SPOCK3: variants seen among roughly 807,000 people sequenced by gnomAD.
SPOCK3 encodes testican-3.
In SPOCK3, 30 loss-of-function variants were observed where a neutral mutation model predicts 56.6. That is an observed-to-expected ratio of 0.53 (90% CI 0.40 to 0.72). The LOEUF (loss-of-function observed/expected upper bound fraction) is 0.72. SPOCK3 is among the 30% of genes least tolerant of loss of function. The pLI, the probability that SPOCK3 is intolerant of heterozygous loss-of-function variation, is 0.00. For synonymous variants in SPOCK3, 196 were observed against 183.3 expected (o/e 1.07, Z -0.56); for missense variants, 527 against 530.0 (o/e 0.99, Z 0.06).
intron 2 of SPOCK3, among the ~76,000 whole-genome samples, chr4:167,160,622 T>G (rs143442703): frequency 6.6e-5 from 10 of 151,808 alleles, no homozygotes; most frequent in South Asian, 6.2e-4. Flanking sequence ...GAGGCATCAC[T>G]CTACCTGACT....
At chr4:167,094,126 AG>A (rs1225423084) in intron 2 of SPOCK3, among the ~76,000 whole-genome samples, 1 of 152,156 alleles carries the variant, frequency 6.6e-6, no homozygotes, top group Non-Finnish European at 1.5e-5. Flanking sequence ...TTTAATATCA[AG>A]TATAATACAT....
intron 6 of SPOCK3, among the ~76,000 whole-genome samples, chr4:166,845,374 T>C (rs1181823820): frequency 3.3e-5 from 5 of 152,198 alleles, no homozygotes; most frequent in Admixed American, 3.3e-4. Context: ...AAAAACCGTA[T>C]GCCCTATACA....
chr4:167,192,201 T>A (rs1732528426), intron 2 of SPOCK3, among the ~76,000 whole-genome samples: 1 of 146,064 alleles, frequency 6.8e-6, no homozygotes. Context: ...TTGAATATTT[T>A]GACATTTAAA....
At chr4:167,023,753 T>C (rs576125772) in intron 3 of SPOCK3, among the ~76,000 whole-genome samples, 6 of 152,134 alleles carry the variant, frequency 3.9e-5, no homozygotes, top group African/African-American at 1.4e-4. Context: ...ACTGGGACTT[T>C]GTATGTTTCC....
intron 3 of SPOCK3, among the ~76,000 whole-genome samples, chr4:167,020,134 G>A (rs1175924879): frequency 6.6e-6 from 1 of 152,082 alleles, no homozygotes; most frequent in Non-Finnish European, 1.5e-5. Flanking sequence ...TTGCAGTGGA[G>A]TGCCTACATA....
intron 3 of SPOCK3, among the ~76,000 whole-genome samples, chr4:167,057,856 C>G (rs1755079750): frequency 6.6e-6 from 1 of 152,176 alleles, no homozygotes; most frequent in Admixed American, 6.5e-5. Context: ...TAACACCCCA[C>G]TGTCAACATT....
At chr4:167,203,381 T>C (rs1733707536) in intron 2 of SPOCK3, among the ~76,000 whole-genome samples, 1 of 151,918 alleles carries the variant, frequency 6.6e-6, no homozygotes, top group South Asian at 2.1e-4. Flanking sequence ...GGTAGAGACT[T>C]TTGGATGCCA....
intron 6 of SPOCK3, among the ~76,000 whole-genome samples, chr4:166,810,500 A>C (rs765223332): frequency 1.2e-4 from 19 of 152,124 alleles, no homozygotes; most frequent in Middle Eastern, 3.4e-3. Context: ...ATTTCAATTT[A>C]ATTACTAATT....
At chr4:167,192,289 T>C (rs985051978) in intron 2 of SPOCK3, among the ~76,000 whole-genome samples, 1 of 145,838 alleles carries the variant, frequency 6.9e-6, no homozygotes, top group Non-Finnish European at 1.5e-5. Context: ...CTCATAATAT[T>C]CCAACCCGAT....
chr4:167,126,540 ACT>A (rs1297914013), intron 2 of SPOCK3, among the ~76,000 whole-genome samples: 1 of 151,782 alleles, frequency 6.6e-6, no homozygotes, highest in Non-Finnish European at 1.5e-5. Context: ...CAAGAGTCAA[ACT>A]CTGTCAAAAA....
intron 6 of SPOCK3, among the ~76,000 whole-genome samples, chr4:166,830,556 C>T (rs1466858825): frequency 6.6e-6 from 1 of 151,936 alleles, no homozygotes; most frequent in Non-Finnish European, 1.5e-5. Flanking sequence ...ACCAGCCTGG[C>T]CAAAATGGCA....
At chr4:167,000,915 A>G (rs956502675) in intron 3 of SPOCK3, among the ~76,000 whole-genome samples, 1 of 152,208 alleles carries the variant, frequency 6.6e-6, no homozygotes, top group African/African-American at 2.4e-5. Context: ...ACATTAATGG[A>G]TATCTTTGGC....
chr4:166,997,002 T>C (rs2150121998), intron 4 of SPOCK3, among the ~76,000 whole-genome samples: 1 of 152,270 alleles, frequency 6.6e-6, no homozygotes, highest in Non-Finnish European at 1.5e-5. Context: ...CAAGATAATG[T>C]GCCTTTCAGG....
In SPOCK3 at chr4:166,927,848, A is replaced by T. The variant is rs1409442929; in HGVS notation, c.351-15105T>A. 1.3e-5 allele frequency among the ~76,000 whole-genome samples: 2 copies of T among 152,194 alleles called. 1 individual carries two copies. On this transcript the variant is annotated intron_variant, in intron 4 of 10. Coordinates refer to ENST00000357545, the MANE Select transcript of SPOCK3 (RefSeq NM_001040159.2). The stretch of plus-strand genomic sequence containing the variant: ...AAGACATATCTGATAAAAGTCTGTT[A>T]TTCAAAATATGAAAATAATATAAAA...
At chr4:167,055,771 G>C (rs1754753288) in intron 3 of SPOCK3, among the ~76,000 whole-genome samples, 1 of 152,176 alleles carries the variant, frequency 6.6e-6, no homozygotes, top group Non-Finnish European at 1.5e-5. Flanking sequence ...CATTGCCCAG[G>C]CTTGCTTAGA....
intron 5 of SPOCK3, among the ~76,000 whole-genome samples, chr4:166,900,792 T>C (rs544066826): frequency 2.0e-5 from 3 of 152,122 alleles, no homozygotes; most frequent in South Asian, 2.1e-4. Flanking sequence ...TAGGAGTTGA[T>C]GGAAAGAAAG....
Position 166,760,792 on chromosome 4 carries a change from C to G in SPOCK3, c.710-6063G>C, listed in dbSNP as rs1195814838. 6.8e-5 allele frequency among the ~76,000 whole-genome samples: 2 copies of G among 29,430 alleles called. 1 individual carries two copies. Among genetic ancestry groups the G allele is most frequent in the Admixed American group, 7.2e-4 (2 of 2,790 alleles). 19.3% of individuals were successfully genotyped at this position (29,430 alleles called of 152,430 possible). A position where few individuals can be genotyped will look rare whatever the true frequency, so the allele number is the denominator to read the frequency against. The stretch of plus-strand genomic sequence containing the variant: ...CGTTAAACCTAAAACCATAAAAACC[C>G]TAGAAGAAAACCTAGGCATTACCAT... On this transcript the variant is annotated intron_variant, in intron 7 of 10. Coordinates refer to ENST00000357545, the MANE Select transcript of SPOCK3 (RefSeq NM_001040159.2).
chr4:167,224,901 A>C (rs1736437622), intron 2 of SPOCK3, among the ~76,000 whole-genome samples: 1 of 152,070 alleles, frequency 6.6e-6, no homozygotes, highest in African/African-American at 2.4e-5. Flanking sequence ...TGCTGACCTC[A>C]AGATCTGCCC....
At chr4:167,179,436 T>A (rs560841418) in intron 2 of SPOCK3, among the ~76,000 whole-genome samples, 63 of 152,132 alleles carry the variant, frequency 4.1e-4, no homozygotes, top group Admixed American at 1.2e-3. Flanking sequence ...TTAATCTACT[T>A]CCCATTCTTT....
Sources: allele counts gnomAD v4.1 joint callset (sites outside exome capture counted in the v4.1 genomes callset), GRCh38; gene constraint gnomAD v4.1.1; transcripts MANE v1.5; gene names NCBI Gene and HGNC (gene_info 2026-07-23, HGNC 2026-07-21).